The following RGS7 variants were observed in gnomAD, a reference collection of about 807,000 sequenced individuals.
RGS7 encodes regulator of G-protein signaling 7.
In RGS7, 27 loss-of-function variants were observed where a neutral mutation model predicts 81.1. The observed-to-expected ratio is 0.33, with a 90% CI of 0.25 to 0.46. The LOEUF is 0.46. Among genes scored for constraint, RGS7 ranks in the 20% least tolerant of loss-of-function variants. The pLI is 1.00. For missense variants in RGS7, 396 were observed against 607.4 expected (o/e 0.65, Z 3.66); for synonymous variants, 208 against 207.7 (o/e 1.00, Z -0.01).
chr1:241,040,073 G>T (rs1297565139), intron 3 of RGS7, among the ~76,000 whole-genome samples: 2 of 152,214 alleles, frequency 1.3e-5, no homozygotes, highest in African/African-American at 4.8e-5. Flanking sequence ...CACTAGGAAT[G>T]ACAGAAATCA....
chr1:240,938,339 T>C (rs533355364), intron 4 of RGS7, among the ~76,000 whole-genome samples: 11 of 152,162 alleles, frequency 7.2e-5, no homozygotes, highest in Non-Finnish European at 1.5e-4. Flanking sequence ...ATTTATAAAT[T>C]TATTTCTGTT....
chr1:241,048,553 T>C (rs1454099906), intron 3 of RGS7, among the ~76,000 whole-genome samples: 5 of 152,200 alleles, frequency 3.3e-5, no homozygotes, highest in Non-Finnish European at 1.5e-5. Context: ...CTCATTTTTC[T>C]ATTCAAACTC....
At chr1:241,290,658 C>G (rs1225919511) in intron 2 of RGS7, among the ~76,000 whole-genome samples, 1 of 152,138 alleles carries the variant, frequency 6.6e-6, no homozygotes, top group African/African-American at 2.4e-5. Flanking sequence ...GCAGAGAGAT[C>G]AGGTGGAAGT....
intron 6 of RGS7, among the ~76,000 whole-genome samples, chr1:240,905,777 G>A (rs904333828): frequency 6.6e-6 from 1 of 152,154 alleles, no homozygotes; most frequent in African/African-American, 2.4e-5. Flanking sequence ...GGTAAAGTTT[G>A]TTTTTGGACT....
intron 3 of RGS7, among the ~76,000 whole-genome samples, chr1:241,024,513 C>T (rs1044580726): frequency 6.6e-6 from 1 of 152,066 alleles, no homozygotes; most frequent in African/African-American, 2.4e-5. Context: ...AGCTAGTATA[C>T]CAGTGACATT....
intron 9 of RGS7, among the ~76,000 whole-genome samples, chr1:240,841,591 CTAATA>C (rs4047364): frequency 0.67 from 101,611 of 151,872 alleles, 34,377 homozygotes; most frequent in Middle Eastern, 0.76. Context: ...TAACCATCAT[CTAATA>C]TGAGTTTCAT....
chr1:240,790,759 G>C (rs912837050), intron 18 of RGS7, among the ~76,000 whole-genome samples: 1 of 152,142 alleles, frequency 6.6e-6, no homozygotes, highest in South Asian at 2.1e-4. Context: ...CTTGCAATGG[G>C]CTGGGGATTG....
chr1:240,828,938 T>A (rs1693334411), intron 9 of RGS7, among the ~76,000 whole-genome samples: 1 of 151,608 alleles, frequency 6.6e-6, no homozygotes, highest in Admixed American at 6.6e-5. Flanking sequence ...TTCCGTGGAG[T>A]TGGGGTGGGG....
chr1:241,069,370 A>G (rs1332580141), intron 3 of RGS7, among the ~76,000 whole-genome samples: 5 of 152,216 alleles, frequency 3.3e-5, no homozygotes, highest in African/African-American at 1.2e-4. Context: ...AGTGGTGGGT[A>G]CCTTGAGAAA....
At chr1:240,796,538 TAGCCGGG>T (rs2103032484) in intron 18 of RGS7, among the ~76,000 whole-genome samples, 1 of 152,194 alleles carries the variant, frequency 6.6e-6, no homozygotes, top group East Asian at 1.9e-4. Context: ...TACAAAAAAT[TAGCCGGG>T]AGTGTTGGCG....
intron 9 of RGS7, 60 bp from the exon 10 acceptor site, chr1:240,827,232 C>G: frequency 1.5e-6 from 2 of 1,349,064 alleles, no homozygotes; most frequent in Non-Finnish European, 2.1e-6. Flanking sequence ...CTGACCAGGA[C>G]AATCATGAAT....
Position 241,215,406 on chromosome 1 carries a change from G to A in RGS7, c.79-116644C>T, listed in dbSNP as rs556281750. ...GCAACAGGAAGTAGTTGAAATCTCT[G>A]TTAGGCTCTTTCAGCCTTCTGACTG... On this transcript the variant is annotated intron_variant, in intron 2 of 18. Coordinates refer to ENST00000440928, the MANE Select transcript of RGS7 (RefSeq NM_001364886.1). Among the ~76,000 whole-genome samples, 4 of 152,296 alleles carry A rather than the reference G, an allele frequency of 2.6e-5. No individual in the cohort carries two copies. In the South Asian group the frequency reaches 8.3e-4, roughly 32 times the overall value.
intron 9 of RGS7, among the ~76,000 whole-genome samples, chr1:240,859,870 C>T (rs1023575483): frequency 2.6e-5 from 4 of 152,140 alleles, no homozygotes; most frequent in African/African-American, 7.2e-5. Context: ...CTAAGCACTG[C>T]TTTCACTGGA....
chr1:241,068,257 T>A lies in RGS7; in HGVS notation c.175+30409A>T, dbSNP rs4040072. 5.1e-3 allele frequency among the ~76,000 whole-genome samples: 371 copies of A among 73,028 alleles called. 33 individuals carry two copies. Among genetic ancestry groups the A allele is most frequent in the Admixed American group, 0.043 (224 of 5,248 alleles). 47.9% of individuals were successfully genotyped at this position (73,028 alleles called of 152,430 possible). ...GTGTGTGTATATATATATATATATA[T>A]AAAATATTGTGTATATATAATATTA... is the stretch of plus-strand genomic sequence containing the variant. On this transcript the variant is annotated intron_variant, in intron 3 of 18. Transcript: ENST00000440928.
chr1:241,221,072 A>AAAGG lies in RGS7; in HGVS notation c.79-122314_79-122311dup, dbSNP rs1330807084. ...GAAAGAAAGAAAGAGAGAGAGAGAG[A>AAAGG]AAGGAAGGAAGGAAGGAAGAAAGGA... On this transcript the variant is annotated intron_variant, in intron 2 of 18. Coordinates refer to ENST00000440928, the MANE Select transcript of RGS7 (RefSeq NM_001364886.1). 1.6e-3 allele frequency among the ~76,000 whole-genome samples: 223 copies of AAAGG among 137,450 alleles called. 1 individual carries two copies. Among genetic ancestry groups the AAAGG allele is most frequent in the African/African-American group, 5.3e-3 (191 of 35,796 alleles). The allele number at this position is 137,450 out of a possible 152,430, so 90.2% of individuals were successfully genotyped here.
At chr1:240,959,279 T>C (rs992681819) in intron 4 of RGS7, among the ~76,000 whole-genome samples, 3 of 152,202 alleles carry the variant, frequency 2.0e-5, no homozygotes, top group Admixed American at 6.5e-5. Flanking sequence ...ATCTCATGCA[T>C]GAGAGATGCA....
At chr1:241,124,465 T>C (rs1255013962) in intron 2 of RGS7, among the ~76,000 whole-genome samples, 7 of 152,276 alleles carry the variant, frequency 4.6e-5, no homozygotes, top group East Asian at 1.9e-4. Context: ...TCAAGCTTTA[T>C]AAAAGCATTG....
intron 2 of RGS7, among the ~76,000 whole-genome samples, chr1:241,180,067 G>A (rs774116619): frequency 3.3e-5 from 5 of 152,014 alleles, no homozygotes; most frequent in Non-Finnish European, 7.4e-5. Flanking sequence ...AATCTTCAGT[G>A]GAATCTCTGA....
At chr1:241,104,653 T>C (rs1048651556) in intron 2 of RGS7, among the ~76,000 whole-genome samples, 1 of 152,106 alleles carries the variant, frequency 6.6e-6, no homozygotes, top group East Asian at 1.9e-4. Context: ...TGATTCACTA[T>C]GCGTGATAAA....
Sources: allele counts gnomAD v4.1 joint callset (sites outside exome capture counted in the v4.1 genomes callset), GRCh38; gene constraint gnomAD v4.1.1; transcripts MANE v1.5; gene names NCBI Gene and HGNC (gene_info 2026-07-23, HGNC 2026-07-21).